Variants in NIM1K observed in about 807,000 individuals in gnomAD.
NIM1K encodes serine/threonine-protein kinase NIM1.
A neutral mutation model predicts 37.1 loss-of-function variants in NIM1K; 35 were observed. The ratio of observed to expected loss-of-function variants is 0.94; its 90% CI spans 0.72 to 1.25. The LOEUF (loss-of-function observed/expected upper bound fraction) is 1.25, where lower values mean the gene tolerates loss of function less well. NIM1K is among the 50% of genes most tolerant of loss of function. The pLI, the probability that NIM1K is intolerant of heterozygous loss-of-function variation, is 0.00. For synonymous variants in NIM1K, 234 were observed against 206.6 expected (o/e 1.13, Z -1.14); for missense variants, 564 against 548.0 (o/e 1.03, Z -0.29).
At chr5:43,216,526 T>C (rs1752302096) in intron 1 of NIM1K, among the ~76,000 whole-genome samples, 1 of 152,238 alleles carries the variant, frequency 6.6e-6, no homozygotes. Context: ...TGGCACTTAG[T>C]GCATGAAGGC....
intron 1 of NIM1K, among the ~76,000 whole-genome samples, chr5:43,228,425 C>T (rs551940679): frequency 2.0e-5 from 3 of 152,072 alleles, no homozygotes; most frequent in Admixed American, 6.5e-5. Context: ...GGATTACAGG[C>T]CTGAGCCACC....
chr5:43,207,673 A>T (rs544042391), intron 1 of NIM1K: 1 of 559,104 alleles, frequency 1.8e-6, no homozygotes, highest in Non-Finnish European at 3.5e-6. Flanking sequence ...TGCTCTATGA[A>T]GAACAGCTGG....
intron 1 of NIM1K, among the ~76,000 whole-genome samples, chr5:43,198,246 T>A (rs766876004): frequency 2.6e-5 from 3 of 116,366 alleles, no homozygotes; most frequent in African/African-American, 9.6e-5. Context: ...TCTTTCTTTC[T>A]TTTCTTTCTT....
rs577703946 is a variant in NIM1K, at chr5:43,222,577, A to G, written c.-694-22505A>G. Reference sequence around the variant, plus strand: ...GACCCCATCTATACAAAAAATGAAGAAAAAAAACTAGCCGAGCATGGTGGT... The same window carrying G: ...GACCCCATCTATACAAAAAATGAAGGAAAAAAACTAGCCGAGCATGGTGGT... On this transcript the variant is annotated intron_variant, in intron 1 of 3. Coordinates refer to ENST00000326035, the MANE Select transcript of NIM1K (RefSeq NM_153361.4). Among the ~76,000 whole-genome samples, 137 of 151,896 alleles carry G rather than the reference A, an allele frequency of 9.0e-4. 1 individual carries two copies. Among genetic ancestry groups the G allele is most frequent in the African/African-American group, 3.1e-3 (129 of 41,422 alleles).
intron 1 of NIM1K, among the ~76,000 whole-genome samples, chr5:43,241,333 C>CTTTTTTTTTTTT (rs56409754): frequency 7.4e-6 from 1 of 135,234 alleles, no homozygotes; most frequent in East Asian, 2.4e-4. Context: ...TTTTCTTTTT[C>CTTTTTTTTTTTT]TTTTTTTTTT....
At chr5:43,270,497 A>G (rs1331408069) in intron 2 of NIM1K, among the ~76,000 whole-genome samples, 7 of 152,194 alleles carry the variant, frequency 4.6e-5, no homozygotes. Flanking sequence ...ATTTTACTCA[A>G]TAAAGTAGGA....
intron 2 of NIM1K, among the ~76,000 whole-genome samples, chr5:43,248,869 A>G (rs553020639): frequency 6.6e-6 from 1 of 150,846 alleles, no homozygotes; most frequent in East Asian, 1.9e-4. Flanking sequence ...TTTTTAAATT[A>G]ATTTTAATTA....
chr5:43,242,412 G>A (rs1752716322), intron 1 of NIM1K, among the ~76,000 whole-genome samples: 1 of 151,670 alleles, frequency 6.6e-6, no homozygotes, highest in African/African-American at 2.4e-5. Context: ...GAGGCAGGAG[G>A]CCTGGTGCCT....
chr5:43,256,820 C>G (rs1319682646), intron 2 of NIM1K, among the ~76,000 whole-genome samples: 1 of 152,190 alleles, frequency 6.6e-6, no homozygotes, highest in Non-Finnish European at 1.5e-5. Flanking sequence ...TAACTCTTAG[C>G]AGGATTCACT....
At chr5:43,246,405 G>A (rs868256745) in intron 2 of NIM1K, among the ~76,000 whole-genome samples, 9 of 151,496 alleles carry the variant, frequency 5.9e-5, no homozygotes, top group African/African-American at 7.3e-5. Flanking sequence ...TGTCCTCTCC[G>A]GTGAGGCCCT....
intron 3 of NIM1K, among the ~76,000 whole-genome samples, chr5:43,278,989 T>A (rs1419369970): frequency 1.3e-5 from 2 of 151,488 alleles, no homozygotes; most frequent in African/African-American, 4.9e-5. Context: ...GGGCAAAGAG[T>A]CTTCCACATT....
chr5:43,211,763 T>C (rs1752208409), intron 1 of NIM1K, among the ~76,000 whole-genome samples: 1 of 152,216 alleles, frequency 6.6e-6, no homozygotes, highest in African/African-American at 2.4e-5. Context: ...GACATTTTAA[T>C]GAAGGATTTT....
intron 2 of NIM1K, among the ~76,000 whole-genome samples, chr5:43,255,775 A>AAAGAAAGAAAGG (rs1268770143): frequency 1.3e-5 from 2 of 150,874 alleles, no homozygotes; most frequent in East Asian, 3.9e-4. Context: ...AGAAAGAAAG[A>AAAGAAAGAAAGG]AAGAGCAGGA....
intron 1 of NIM1K, among the ~76,000 whole-genome samples, chr5:43,240,991 T>C (rs148813417): frequency 6.8e-4 from 103 of 152,084 alleles, no homozygotes; most frequent in Non-Finnish European, 1.2e-3. Flanking sequence ...AGAAGTAGAA[T>C]TGTTGAAGCA....
chr5:43,278,654 G>T (rs1753391383), intron 3 of NIM1K, among the ~76,000 whole-genome samples: 1 of 152,154 alleles, frequency 6.6e-6, no homozygotes, highest in African/African-American at 2.4e-5. Flanking sequence ...ATGGTTGTAG[G>T]AGCAAGAACT....
Position 43,245,967 on chromosome 5 carries a change from G to A in NIM1K, c.192G>A (p.Glu64=), listed in dbSNP as rs2112263093. The A allele has an allele frequency of 6.2e-7, 1 of 1,614,150 alleles. No homozygotes were observed. Among genetic ancestry groups the A allele is most frequent in the African/African-American group, 1.3e-5 (1 of 75,044 alleles). The change falls in exon 2 of 4, where the codon GAG becomes GAA. Residue 64 remains glutamate (E), a synonymous_variant. Transcript: ENST00000326035. The part of the protein sequence containing the change: ...DMSQDEKVVR[E]ITLGKRIGFY... ...CCCAGGATGAGAAGGTGGTGAGGGAGATCACGCTGGGGAAACGGATAGGCT... is the reference window on the plus strand; with the variant it reads ...CCCAGGATGAGAAGGTGGTGAGGGAAATCACGCTGGGGAAACGGATAGGCT...
intron 2 of NIM1K, among the ~76,000 whole-genome samples, chr5:43,247,031 A>G (rs1752787596): frequency 1.3e-5 from 2 of 151,960 alleles, no homozygotes; most frequent in Admixed American, 1.3e-4. Context: ...CTCTTTTCTT[A>G]TATTAGAGTT....
intron 2 of NIM1K, among the ~76,000 whole-genome samples, chr5:43,263,514 G>A (rs570101455): frequency 8.7e-5 from 13 of 148,790 alleles, no homozygotes; most frequent in African/African-American, 3.0e-4. Context: ...TTCTTTATTA[G>A]TCTTGCTAGC....
chr5:43,219,544 G>T (rs1005838946), intron 1 of NIM1K, among the ~76,000 whole-genome samples: 6 of 151,692 alleles, frequency 4.0e-5, no homozygotes, highest in African/African-American at 1.5e-4. Flanking sequence ...CCTGTCCTGG[G>T]GATCAAATTT....
Sources: allele counts gnomAD v4.1 joint callset (sites outside exome capture counted in the v4.1 genomes callset), GRCh38; gene constraint gnomAD v4.1.1; transcripts MANE v1.5; gene names NCBI Gene and HGNC (gene_info 2026-07-23, HGNC 2026-07-21).